TENM3: variants seen among roughly 807,000 people sequenced by gnomAD.
TENM3 encodes teneurin-3.
TENM3 carries 63 observed loss-of-function variants against 255.1 expected under a neutral mutation model. That is an observed-to-expected ratio of 0.25 (90% CI 0.20 to 0.30). The LOEUF (loss-of-function observed/expected upper bound fraction) is 0.30. Among genes scored for constraint, TENM3 ranks in the 10% least tolerant of loss-of-function variants. TENM3 has a pLI of 1.00. For synonymous variants in TENM3, 1,306 were observed against 1,322.3 expected, an observed-to-expected ratio of 0.99 and a Z score of 0.27; for missense variants, 2,929 against 3,461.1, an observed-to-expected ratio of 0.85 and a Z score of 3.86.
At chr4:181,934,733 G>T in the TENM3 span, among the ~76,000 whole-genome samples, 1 of 152,020 alleles carries the variant, frequency 6.6e-6, no homozygotes, top group Non-Finnish European at 1.5e-5. Context: ...AGAATGTGGT[G>T]TCTAATGGCA....
chr4:181,553,875 T>C, the TENM3 span, among the ~76,000 whole-genome samples: 2 of 151,952 alleles, frequency 1.3e-5, no homozygotes, highest in African/African-American at 2.4e-5. Context: ...TCCCTTTAAG[T>C]GGGCTCTTAG....
At chr4:182,294,759 G>C (rs1393210071) in intron 1 of TENM3, among the ~76,000 whole-genome samples, 1 of 152,140 alleles carries the variant, frequency 6.6e-6, no homozygotes, top group Non-Finnish European at 1.5e-5. Flanking sequence ...AATGGATATG[G>C]ATCCCACGTA....
intron 3 of TENM3, among the ~76,000 whole-genome samples, chr4:182,565,237 C>T (rs572581256): frequency 2.6e-5 from 4 of 152,086 alleles, no homozygotes; most frequent in Non-Finnish European, 4.4e-5. Flanking sequence ...ATCCTGCCTC[C>T]TAGACTTAGT....
Position 182,731,003 on chromosome 4 carries a change from T to C in TENM3, c.2831T>C (p.Met944Thr). The change falls in exon 16 of 28, where the codon ATG (methionine) becomes ACG (threonine). Residue 944 changes from methionine to threonine, a missense_variant. Met to Thr is a moderately conservative substitution (Grantham distance 81). Coordinates refer to ENST00000511685, the MANE Select transcript of TENM3 (RefSeq NM_001080477.4). ...TTTTATGTGATGGATACCCTAGTCA[T>C]GAAGAAAGAAGAGAATGACATTCCC... ...NVFYVMDTLVMKKEENDIPSC... is the reference protein window; with the variant it reads ...NVFYVMDTLVTKKEENDIPSC... 2 of 1,613,948 alleles carry C rather than the reference T, an allele frequency of 1.2e-6. No individual in the cohort carries two copies. Among genetic ancestry groups the C allele is most frequent in the South Asian group, 1.1e-5 (1 of 91,066 alleles).
chr4:182,142,454 T>TAAC (rs1430377886), upstream of TENM3: 6 of 167,144 alleles, frequency 3.6e-5, no homozygotes, highest in Non-Finnish European at 1.5e-5. Context: ...TTGGATAAAC[T>TAAC]AACATAAAGG....
chr4:181,486,423 C>T, the TENM3 span, among the ~76,000 whole-genome samples: 15 of 152,302 alleles, frequency 9.8e-5, no homozygotes, highest in African/African-American at 3.4e-4. Context: ...TCTGGCCCCA[C>T]CAATTAGCTG....
chr4:182,081,033 C>G, the TENM3 span, among the ~76,000 whole-genome samples: 1 of 152,062 alleles, frequency 6.6e-6, no homozygotes, highest in African/African-American at 2.4e-5. Flanking sequence ...CTTGCTTTGC[C>G]CCCTTTGGTA....
At chr4:182,156,866 A>G (rs905934931) in intron 1 of TENM3, among the ~76,000 whole-genome samples, 6 of 152,168 alleles carry the variant, frequency 3.9e-5, no homozygotes, top group Admixed American at 3.9e-4. Context: ...GTGTCCTGGG[A>G]AAGATGAGAA....
the TENM3 span, among the ~76,000 whole-genome samples, chr4:181,894,574 TAA>T: frequency 6.6e-6 from 1 of 152,204 alleles, no homozygotes; most frequent in East Asian, 1.9e-4. Context: ...ATCGTATTTA[TAA>T]AGAGAAGAAG....
chr4:181,931,884 T>G, the TENM3 span, among the ~76,000 whole-genome samples: 4 of 152,304 alleles, frequency 2.6e-5, no homozygotes, highest in Non-Finnish European at 5.9e-5. Flanking sequence ...CCATCTGATC[T>G]TTGACAAACC....
At chr4:181,699,602 T>A in the TENM3 span, among the ~76,000 whole-genome samples, 2 of 152,088 alleles carry the variant, frequency 1.3e-5, no homozygotes, top group African/African-American at 2.4e-5. Context: ...TCCTTTAAAT[T>A]GGGAAGGAGA....
rs533817103 is a variant in TENM3, at chr4:182,528,194, G to T, written c.512-72730G>T. ...GTGCAGTGTCACGATCTTGGCTCTC[G>T]GCAACCTCCTCCTCCTGGGTTCAAG... On this transcript the variant is annotated intron_variant, in intron 3 of 27. Coordinates refer to ENST00000511685, the MANE Select transcript of TENM3 (RefSeq NM_001080477.4). Among the ~76,000 whole-genome samples the T allele has an allele frequency of 2.6e-5, 4 of 151,752 alleles. No homozygotes were observed. In the South Asian group the frequency reaches 8.4e-4, roughly 32 times the overall value.
chr4:182,779,349 T>A (rs1049405233), intron 24 of TENM3, among the ~76,000 whole-genome samples: 4 of 152,050 alleles, frequency 2.6e-5, no homozygotes, highest in Admixed American at 2.0e-4. Context: ...GAGAATGATG[T>A]TTTCCAATTT....
At chr4:182,448,363 G>A (rs1773110654) in intron 3 of TENM3, among the ~76,000 whole-genome samples, 1 of 152,172 alleles carries the variant, frequency 6.6e-6, no homozygotes, top group African/African-American at 2.4e-5. Context: ...CAGGCTGGGG[G>A]CCCTGCGACC....
chr4:182,048,805 C>G, the TENM3 span, among the ~76,000 whole-genome samples: 1 of 152,152 alleles, frequency 6.6e-6, no homozygotes, highest in Non-Finnish European at 1.5e-5. Context: ...GAAAACACTG[C>G]CTGCCTGTTG....
the TENM3 span, among the ~76,000 whole-genome samples, chr4:181,875,108 A>T: frequency 6.6e-6 from 1 of 152,198 alleles, no homozygotes; most frequent in Admixed American, 6.5e-5. Flanking sequence ...CTCTGTTCGC[A>T]TTTTGGTAGA....
chr4:181,755,249 A>G, the TENM3 span, among the ~76,000 whole-genome samples: 3 of 152,316 alleles, frequency 2.0e-5, no homozygotes, highest in Non-Finnish European at 2.9e-5. Context: ...ACTTACTTGC[A>G]GAGTATTCAG....
chr4:182,183,107 C>T (rs953780740), intron 1 of TENM3, among the ~76,000 whole-genome samples: 4 of 152,044 alleles, frequency 2.6e-5, no homozygotes, highest in Non-Finnish European at 5.9e-5. Flanking sequence ...ATTGGAGGAA[C>T]AGTTAATTTA....
chr4:181,780,346 G>T, the TENM3 span, among the ~76,000 whole-genome samples: 5 of 152,064 alleles, frequency 3.3e-5, no homozygotes, highest in African/African-American at 1.2e-4. Context: ...GTGTGAGATG[G>T]TATCTCATTG....
Sources: gnomAD v4.1 joint callset for allele counts (sites outside exome capture counted in the v4.1 genomes callset) on GRCh38, gnomAD v4.1.1 for gene constraint, MANE v1.5 for transcripts, NCBI Gene and HGNC (gene_info 2026-07-23, HGNC 2026-07-21) for gene names.